RBM25: variants seen among roughly 807,000 people sequenced by gnomAD.
RBM25 encodes RNA-binding protein 25.
In RBM25, 19 loss-of-function variants were observed where a neutral mutation model predicts 120.7. That is an observed-to-expected ratio of 0.16 (90% CI 0.11 to 0.23). The LOEUF is 0.23. Among genes scored for constraint, RBM25 ranks in the 10% least tolerant of loss-of-function variants. The pLI is 1.00. For missense variants in RBM25, 605 were observed against 1,041.5 expected (o/e 0.58, Z 5.77); for synonymous variants, 390 against 326.7 (o/e 1.19, Z -2.09).
At chr14:73,071,823 A>T (rs992680862) in intron 2 of RBM25, 76 bp downstream of exon 2, 19 of 1,209,954 alleles carry the variant, frequency 1.6e-5, no homozygotes, top group Non-Finnish European at 2.2e-5. Flanking sequence ...GGAAAATGTT[A>T]GATATGTGAC....
intron 6 of RBM25, among the ~76,000 whole-genome samples, chr14:73,095,089 C>T (rs1335200592): frequency 6.6e-6 from 1 of 151,712 alleles, no homozygotes; most frequent in African/African-American, 2.4e-5. Context: ...CTCCTGACCT[C>T]GTCATCTGCC....
chr14:73,074,383 C>T (rs1020032148), intron 2 of RBM25, among the ~76,000 whole-genome samples: 3 of 152,092 alleles, frequency 2.0e-5, no homozygotes, highest in Admixed American at 2.0e-4. Context: ...CCATGACTGA[C>T]TCAGATCCGT....
intron 18 of RBM25, among the ~76,000 whole-genome samples, chr14:73,115,617 A>G (rs1160085553): frequency 6.6e-6 from 1 of 152,224 alleles, no homozygotes; most frequent in East Asian, 1.9e-4. Flanking sequence ...ATTTGGGATT[A>G]CAGTCAGTGG....
chr14:73,077,681 T>C (rs1895455060), intron 4 of RBM25, 145 bp downstream of exon 4: 3 of 686,230 alleles, frequency 4.4e-6, no homozygotes, highest in Non-Finnish European at 7.1e-6. Flanking sequence ...AGTGAACACG[T>C]TTGTATTCTT....
chr14:73,076,155 A>T (rs1409215411), intron 2 of RBM25, among the ~76,000 whole-genome samples, 164 bp from the exon 3 acceptor site: 1 of 152,226 alleles, frequency 6.6e-6, no homozygotes, highest in Non-Finnish European at 1.5e-5. Flanking sequence ...GACCAACCTG[A>T]TACCACATTC....
At chr14:73,100,180 G>A in intron 9 of RBM25, 2 of 531,592 alleles carry the variant, frequency 3.8e-6, no homozygotes. Context: ...GATTTAAGTT[G>A]AGTGGGGGAG....
chr14:73,078,469 C>T (rs1895477538), intron 4 of RBM25, among the ~76,000 whole-genome samples: 1 of 151,928 alleles, frequency 6.6e-6, no homozygotes, highest in Non-Finnish European at 1.5e-5. Flanking sequence ...CCAGCCCGAG[C>T]AAGAGAGTCT....
chr14:73,117,072 T>A (rs1896444089), intron 18 of RBM25, among the ~76,000 whole-genome samples: 1 of 152,140 alleles, frequency 6.6e-6, no homozygotes, highest in South Asian at 2.1e-4. Context: ...GACTCAGATG[T>A]GAATTAGTGT....
chr14:73,070,518 G>C (rs1035214938), intron 1 of RBM25, among the ~76,000 whole-genome samples: 22 of 151,928 alleles, frequency 1.4e-4, no homozygotes, highest in African/African-American at 4.8e-4. Context: ...GTTACTATCT[G>C]ACTGGAAGTC....
At chr14:73,105,590 A>G (rs554087083) in intron 10 of RBM25, among the ~76,000 whole-genome samples, 1 of 152,310 alleles carries the variant, frequency 6.6e-6, no homozygotes, top group South Asian at 2.1e-4. Flanking sequence ...ATTCATTTTA[A>G]TGATTTATAA....
intron 17 of RBM25, among the ~76,000 whole-genome samples, chr14:73,113,797 A>G (rs1285962809): frequency 1.3e-5 from 2 of 152,232 alleles, no homozygotes; most frequent in Non-Finnish European, 2.9e-5. Flanking sequence ...TTGAAGTTTA[A>G]GGAGAGATTG....
chr14:73,077,901 T>C (rs1421971226), intron 4 of RBM25, among the ~76,000 whole-genome samples: 1 of 152,170 alleles, frequency 6.6e-6, no homozygotes, highest in Non-Finnish European at 1.5e-5. Context: ...GGCTTTTGCC[T>C]GTGGTTGTCA....
At chr14:73,064,751 CT>C (rs1047304404) in intron 1 of RBM25, among the ~76,000 whole-genome samples, 1 of 151,106 alleles carries the variant, frequency 6.6e-6, no homozygotes. Flanking sequence ...GTATTTTTGC[CT>C]TCACCTTTGA....
chr14:73,071,280 A>G (rs895281170), intron 1 of RBM25, among the ~76,000 whole-genome samples: 5 of 151,216 alleles, frequency 3.3e-5, no homozygotes, highest in Non-Finnish European at 5.9e-5. Flanking sequence ...CTTAAAAACT[A>G]TTAGATACCC....
At chr14:73,076,980 C>T (rs1895437959) in intron 3 of RBM25, among the ~76,000 whole-genome samples, 1 of 152,200 alleles carries the variant, frequency 6.6e-6, no homozygotes, top group African/African-American at 2.4e-5. Flanking sequence ...ACTCGGGAGG[C>T]CGAGGCAGGA....
At chr14:73,079,996 G>A (rs1428130746) in intron 4 of RBM25, among the ~76,000 whole-genome samples, 1 of 150,124 alleles carries the variant, frequency 6.7e-6, no homozygotes, top group Admixed American at 6.7e-5. Flanking sequence ...AAATGTGTTT[G>A]CTCCTGTCTG....
At chr14:73,116,574 A>G (rs1566603332) in intron 18 of RBM25, among the ~76,000 whole-genome samples, 1 of 152,202 alleles carries the variant, frequency 6.6e-6, no homozygotes, top group Non-Finnish European at 1.5e-5. Context: ...AGAAATGTGA[A>G]TAGATTTCAG....
At position 73,080,104 on chromosome 14, in the gene RBM25, G is replaced by A. The variant is rs560228491; in HGVS notation, c.324+2568G>A. Among the ~76,000 whole-genome samples the A allele has an allele frequency of 3.8e-4, 56 of 148,600 alleles. 3 individuals are homozygous for A. In the South Asian group the frequency reaches 9.9e-3, roughly 26 times the overall value. Reference sequence around the variant, plus strand: ...CATCACAAATTCTCATAGAAGTGCCGTTTCTGAGTCTTAGGGCATGCTTAT... The same window carrying A: ...CATCACAAATTCTCATAGAAGTGCCATTTCTGAGTCTTAGGGCATGCTTAT... On this transcript the variant is annotated intron_variant, in intron 4 of 18. Coordinates refer to ENST00000261973, the MANE Select transcript of RBM25 (RefSeq NM_021239.3).
rs1281533004 is a variant in RBM25 at position 73,068,124 on chromosome 14, C to T, written c.-15-3503C>T. Reference sequence around the variant, plus strand: ...AACTTTACCTCGTTCACAGACAGAACTGGAAGGTTGGTCCTAGATGGCTGC... The same window carrying T: ...AACTTTACCTCGTTCACAGACAGAATTGGAAGGTTGGTCCTAGATGGCTGC... On this transcript the variant is annotated intron_variant, in intron 1 of 18. Coordinates refer to ENST00000261973, the MANE Select transcript of RBM25 (RefSeq NM_021239.3). 4 of 759,582 alleles carry T rather than the reference C, an allele frequency of 5.3e-6. No individual in the cohort carries two copies. The Admixed American group carries it at 6.5e-5, about 12-fold the overall frequency. The allele number at this position is 759,582 out of a possible 1,614,324, so 47.1% of individuals were successfully genotyped here.
Sources: allele counts gnomAD v4.1 joint callset (sites outside exome capture counted in the v4.1 genomes callset), GRCh38; gene constraint gnomAD v4.1.1; transcripts MANE v1.5; gene names NCBI Gene and HGNC (gene_info 2026-07-23, HGNC 2026-07-21).